The following AGBL1 variants were observed in gnomAD, a reference collection of about 807,000 sequenced individuals.
AGBL1 encodes AGBL carboxypeptidase 1.
Under a neutral mutation model 118.9 loss-of-function variants are expected in AGBL1, and 130 were observed. The observed-to-expected ratio is 1.09, with a 90% confidence interval of 0.95 to 1.26. The LOEUF (loss-of-function observed/expected upper bound fraction) is 1.26, where lower values mean the gene tolerates loss of function less well. Among genes scored for constraint, AGBL1 ranks in the 50% most tolerant of loss-of-function variants. The pLI is 0.00. For missense variants in AGBL1, 1,584 were observed against 1,298.1 expected (o/e 1.22, Z -3.38); for synonymous variants, 555 against 478.9 (o/e 1.16, Z -2.08).
intron 22 of AGBL1, among the ~76,000 whole-genome samples, chr15:86,881,101 C>G (rs1298861814): frequency 1.3e-5 from 2 of 152,178 alleles, no homozygotes; most frequent in Non-Finnish European, 2.9e-5. Context: ...CATCTCACCT[C>G]CTTCCTCACC....
At chr15:86,586,680 T>G (rs2142342531) in intron 21 of AGBL1, among the ~76,000 whole-genome samples, 1 of 152,240 alleles carries the variant, frequency 6.6e-6, no homozygotes, top group African/African-American at 2.4e-5. Context: ...GAATTGCAGG[T>G]AAAATCATAA....
intron 5 of AGBL1, among the ~76,000 whole-genome samples, chr15:86,208,898 T>C (rs1284581752): frequency 6.6e-6 from 1 of 152,228 alleles, no homozygotes; most frequent in Non-Finnish European, 1.5e-5. Context: ...CTTCTTTTAA[T>C]TGTGATGTTA....
intron 21 of AGBL1, among the ~76,000 whole-genome samples, chr15:86,588,552 A>C (rs1043057384): frequency 6.6e-6 from 1 of 152,210 alleles, no homozygotes; most frequent in African/African-American, 2.4e-5. Context: ...GCTGAAGCTC[A>C]TATGCAGATA....
chr15:86,487,297 G>A (rs2082725885), intron 18 of AGBL1, among the ~76,000 whole-genome samples: 1 of 152,042 alleles, frequency 6.6e-6, no homozygotes, highest in Admixed American at 6.6e-5. Context: ...TGAAAAAGGA[G>A]CTTCATCCTC....
intron 21 of AGBL1, among the ~76,000 whole-genome samples, chr15:86,640,460 G>T (rs920642070): frequency 2.6e-5 from 4 of 152,062 alleles, no homozygotes; most frequent in Non-Finnish European, 5.9e-5. Flanking sequence ...TATAATACAT[G>T]CATACATAGA....
chr15:86,142,679 A>T (rs1391988047), intron 2 of AGBL1, among the ~76,000 whole-genome samples: 1 of 152,214 alleles, frequency 6.6e-6, no homozygotes, highest in Non-Finnish European at 1.5e-5. Context: ...CCTCAGGATT[A>T]TGGTTTCAAG....
chr15:86,897,845 C>T (rs927907112), intron 22 of AGBL1, among the ~76,000 whole-genome samples: 2 of 144,748 alleles, frequency 1.4e-5, no homozygotes, highest in African/African-American at 5.1e-5. Flanking sequence ...ACTCAGCTCA[C>T]TGCAGTTTCG....
chr15:86,302,797 A>AAAT lies in AGBL1; in HGVS notation c.2374+7391_2374+7392insTAA, dbSNP rs1555463666. On this transcript the variant is annotated intron_variant, in intron 17 of 22. Coordinates refer to ENST00000614907, the MANE Select transcript of AGBL1 (RefSeq NM_001386094.1). ...CTGTCTCAAAAAAAAAAAAAAAAAA[A>AAAT]AAGTAAATAGAAAATCTCAGGGTAC... 8.3e-4 allele frequency among the ~76,000 whole-genome samples: 125 copies of AAAT among 149,994 alleles called. 2 individuals are homozygous for AAAT. The highest frequency in any genetic ancestry group is 7.1e-3 in the Middle Eastern group (2 of 282).
intron 22 of AGBL1, among the ~76,000 whole-genome samples, chr15:86,690,449 A>T (rs1334385691): frequency 2.6e-5 from 4 of 152,188 alleles, no homozygotes; most frequent in Non-Finnish European, 5.9e-5. Flanking sequence ...ATTCGTTTTC[A>T]TTTAATTCAT....
intron 22 of AGBL1, among the ~76,000 whole-genome samples, chr15:86,830,184 CAATTTGATG>C (rs1339044789): frequency 4.6e-5 from 7 of 152,126 alleles, no homozygotes; most frequent in African/African-American, 1.7e-4. Flanking sequence ...TTAAAGAATA[CAATTTGATG>C]AATTTTTTTT....
chr15:86,669,862 G>T lies in AGBL1; in HGVS notation c.2995-4411G>T, dbSNP rs1409523343. On this transcript the variant is annotated intron_variant, in intron 21 of 22. Coordinates refer to ENST00000614907, the MANE Select transcript of AGBL1 (RefSeq NM_001386094.1). ...TGTGTGGAGGGGAGTGGGGTCTGAGGATCATCACCTCTGCTTTCATTGCCA... is the reference window on the plus strand; with the variant it reads ...TGTGTGGAGGGGAGTGGGGTCTGAGTATCATCACCTCTGCTTTCATTGCCA... Among the ~76,000 whole-genome samples, 5 of 152,192 alleles carry T rather than the reference G, an allele frequency of 3.3e-5. No homozygotes were observed. The East Asian group carries it at 9.7e-4, about 29-fold the overall frequency.
At chr15:86,432,910 C>G (rs1263326948) in intron 18 of AGBL1, among the ~76,000 whole-genome samples, 1 of 152,180 alleles carries the variant, frequency 6.6e-6, no homozygotes, top group Non-Finnish European at 1.5e-5. Context: ...CTGGAGTGGC[C>G]CCTGTCCCCA....
chr15:86,359,289 T>TC (rs1388041159), intron 17 of AGBL1, among the ~76,000 whole-genome samples: 2 of 151,898 alleles, frequency 1.3e-5, no homozygotes, highest in African/African-American at 4.8e-5. Context: ...CTTTCTTCAT[T>TC]TAGTGTCCTC....
At chr15:86,286,749 A>ATATATATATATATAT (rs60775713) in intron 16 of AGBL1, among the ~76,000 whole-genome samples, 2 of 145,438 alleles carry the variant, frequency 1.4e-5, no homozygotes, top group East Asian at 2.0e-4. Context: ...ATATATATAT[A>ATATATATATATATAT]AAACTCCATC....
At chr15:86,155,718 A>T (rs1244480810) in intron 4 of AGBL1, among the ~76,000 whole-genome samples, 1 of 151,794 alleles carries the variant, frequency 6.6e-6, no homozygotes, top group Non-Finnish European at 1.5e-5. Flanking sequence ...AGCCAAAAAG[A>T]CCTGAGTTTG....
intron 23 of AGBL1, among the ~76,000 whole-genome samples, chr15:86,940,202 G>T (rs1159963799): frequency 6.6e-6 from 1 of 150,898 alleles, no homozygotes; most frequent in Non-Finnish European, 1.5e-5. Flanking sequence ...GTGCCCGGTT[G>T]AGTGCACTGT....
chr15:86,413,929 C>A (rs1025673562), intron 18 of AGBL1, among the ~76,000 whole-genome samples: 1 of 152,028 alleles, frequency 6.6e-6, no homozygotes, highest in Non-Finnish European at 1.5e-5. Context: ...ACCTAACTGT[C>A]CATCAATGGA....
At chr15:86,363,334 GTGGGT>G (rs924666628) in intron 17 of AGBL1, among the ~76,000 whole-genome samples, 2 of 152,094 alleles carry the variant, frequency 1.3e-5, no homozygotes, top group African/African-American at 4.8e-5. Context: ...TTACTGAGTG[GTGGGT>G]ACTTAGAGGT....
At chr15:86,765,179 G>A (rs1937649624) in intron 22 of AGBL1, among the ~76,000 whole-genome samples, 1 of 151,974 alleles carries the variant, frequency 6.6e-6, no homozygotes, top group Admixed American at 6.6e-5. Flanking sequence ...AAGCAGAGAA[G>A]CCCCTGACTT....
Sources: gnomAD v4.1 joint callset for allele counts (sites outside exome capture counted in the v4.1 genomes callset) on GRCh38, gnomAD v4.1.1 for gene constraint, MANE v1.5 for transcripts, NCBI Gene and HGNC (gene_info 2026-07-23, HGNC 2026-07-21) for gene names.